CDH4: variants seen among roughly 807,000 people sequenced by gnomAD.
The protein encoded by CDH4 is cadherin-4.
A neutral mutation model predicts 86.0 loss-of-function variants in CDH4; 33 were observed. The ratio of observed to expected loss-of-function variants is 0.38; its 90% CI spans 0.29 to 0.51. The LOEUF is 0.51. CDH4 is among the 20% of genes least tolerant of loss of function. CDH4 has a pLI of 0.86. For synonymous variants in CDH4, 555 were observed against 549.4 expected (o/e 1.01, Z -0.14); for missense variants, 1,114 against 1,307.4 (o/e 0.85, Z 2.28).
intron 2 of CDH4, among the ~76,000 whole-genome samples, chr20:61,656,246 CGCGTGCTGGGGTGGGCAGG>C (rs2087186467): frequency 1.6e-5 from 2 of 127,272 alleles, no homozygotes; most frequent in Admixed American, 1.6e-4. Flanking sequence ...GGTGGGCAGG[CGCGTGCTGGGGTGGGCAGG>C]CGCGTGCTGG....
chr20:61,427,496 G>A (rs950794278), intron 2 of CDH4, among the ~76,000 whole-genome samples: 1 of 87,520 alleles, frequency 1.1e-5, no homozygotes, highest in East Asian at 2.7e-4. Context: ...CCAACTGAGA[G>A]GCTTTTTTTT....
At chr20:61,409,513 A>C (rs902420510) in intron 2 of CDH4, among the ~76,000 whole-genome samples, 1 of 152,098 alleles carries the variant, frequency 6.6e-6, no homozygotes, top group Non-Finnish European at 1.5e-5. Context: ...TGCTCATCAC[A>C]CCCGGGGCCG....
At chr20:61,777,994 G>A (rs372155162) in intron 4 of CDH4, among the ~76,000 whole-genome samples, 3 of 151,950 alleles carry the variant, frequency 2.0e-5, no homozygotes, top group Admixed American at 1.3e-4. Context: ...GCACACACAC[G>A]TGCACACTAT....
chr20:61,695,279 C>T (rs1429167904), intron 2 of CDH4, among the ~76,000 whole-genome samples: 1 of 152,266 alleles, frequency 6.6e-6, no homozygotes, highest in African/African-American at 2.4e-5. Flanking sequence ...CAGTTGCCCG[C>T]AGAGGCGTCC....
chr20:61,463,742 C>G (rs754122234), intron 2 of CDH4, among the ~76,000 whole-genome samples: 5 of 152,184 alleles, frequency 3.3e-5, no homozygotes, highest in Non-Finnish European at 5.9e-5. Context: ...AAGACTCTTG[C>G]AACAGGGGAG....
intron 12 of CDH4, 36 bp from the exon 13 acceptor site, chr20:61,929,573 G>A (rs1276759646): frequency 6.6e-7 from 1 of 1,526,240 alleles, no homozygotes; most frequent in Admixed American, 1.7e-5. Flanking sequence ...GCGAGGGCCG[G>A]GCTCTGGTTG....
rs145733905 is a variant in CDH4, at chr20:61,588,629, C to T, written c.170-154934C>T. On this transcript the variant is annotated intron_variant, in intron 2 of 15. Coordinates refer to ENST00000614565, the MANE Select transcript of CDH4 (RefSeq NM_001794.5). Reference sequence around the variant, plus strand: ...GCTTTCTCACCCCAGGGCCCTCCCCCTCCCGAGACCACACTAGCCCGCTGC... The same window carrying T: ...GCTTTCTCACCCCAGGGCCCTCCCCTTCCCGAGACCACACTAGCCCGCTGC... 3.1e-4 allele frequency among the ~76,000 whole-genome samples: 47 copies of T among 152,234 alleles called. No individual in the cohort carries two copies. The South Asian group carries it at 4.8e-3, about 15-fold the overall frequency.
At chr20:61,604,753 G>T (rs1600800202) in intron 2 of CDH4, among the ~76,000 whole-genome samples, 1 of 152,276 alleles carries the variant, frequency 6.6e-6, no homozygotes, top group East Asian at 1.9e-4. Context: ...CAAGTCATTT[G>T]ATAAATGGGC....
intron 6 of CDH4, among the ~76,000 whole-genome samples, chr20:61,854,206 C>T (rs1421235294): frequency 3.3e-5 from 5 of 152,170 alleles, no homozygotes; most frequent in Non-Finnish European, 7.4e-5. Context: ...AGAGCCAGGG[C>T]CAGCTCCCAG....
At chr20:61,259,212 T>C (rs1232987896) in intron 2 of CDH4, among the ~76,000 whole-genome samples, 2 of 152,234 alleles carry the variant, frequency 1.3e-5, no homozygotes, top group Non-Finnish European at 2.9e-5. Flanking sequence ...GAGGCATGGT[T>C]GAAGAGAGAT....
At chr20:61,490,797 T>A (rs535674710) in intron 2 of CDH4, among the ~76,000 whole-genome samples, 3 of 152,238 alleles carry the variant, frequency 2.0e-5, no homozygotes, top group Admixed American at 2.0e-4. Flanking sequence ...AGCACACGGC[T>A]GTCTAATTGT....
chr20:61,595,194 C>A (rs1486904897), intron 2 of CDH4, among the ~76,000 whole-genome samples: 1 of 152,252 alleles, frequency 6.6e-6, no homozygotes, highest in Non-Finnish European at 1.5e-5. Flanking sequence ...CTGAGTGAAC[C>A]TCCCTCTGCT....
chr20:61,591,526 C>T (rs2086519267), intron 2 of CDH4, among the ~76,000 whole-genome samples: 2 of 152,114 alleles, frequency 1.3e-5, no homozygotes, highest in African/African-American at 2.4e-5. Context: ...CAGCCTCACT[C>T]AGGTGTGTAG....
intron 2 of CDH4, among the ~76,000 whole-genome samples, chr20:61,655,051 A>C (rs2087172709): frequency 1.3e-5 from 2 of 152,258 alleles, no homozygotes; most frequent in Non-Finnish European, 2.9e-5. Context: ...CAGTGTCTTC[A>C]TCTGAGTCAA....
At chr20:61,587,457 T>C (rs2086486919) in intron 2 of CDH4, among the ~76,000 whole-genome samples, 1 of 152,120 alleles carries the variant, frequency 6.6e-6, no homozygotes, top group African/African-American at 2.4e-5. Context: ...AAGATAACAT[T>C]GAATCTGAGG....
At chr20:61,493,726 A>G (rs1174995457) in intron 2 of CDH4, among the ~76,000 whole-genome samples, 1 of 152,100 alleles carries the variant, frequency 6.6e-6, no homozygotes, top group Non-Finnish European at 1.5e-5. Context: ...ATGCCTCCCT[A>G]GCCAGTCTTC....
Position 61,459,951 on chromosome 20 carries a change from C to T in CDH4, c.169+205014C>T, listed in dbSNP as rs145293284. Among the ~76,000 whole-genome samples, 22 of 152,052 alleles carry T rather than the reference C, an allele frequency of 1.4e-4. No individual in the cohort carries two copies. In the East Asian group the frequency reaches 3.5e-3, roughly 24 times the overall value. ...AAGCTCCGCAAGCTGACCCCAGGGC[C>T]GCAGGTACCCCCACACCTGGGACCT... On this transcript the variant is annotated intron_variant, in intron 2 of 15. Transcript: ENST00000614565.
chr20:61,408,589 G>A (rs1251938388), intron 2 of CDH4, among the ~76,000 whole-genome samples: 1 of 152,162 alleles, frequency 6.6e-6, no homozygotes, highest in Non-Finnish European at 1.5e-5. Flanking sequence ...CTCAGAGGGT[G>A]AACAAAGCAA....
rs183843554 is a variant in CDH4 at position 61,794,004 on chromosome 20, G to A, written c.576+20822G>A. On this transcript the variant is annotated intron_variant, in intron 4 of 15. Coordinates refer to ENST00000614565, the MANE Select transcript of CDH4 (RefSeq NM_001794.5). ...ATACAAAAAAAAAAATTAGCTGGGC[G>A]TGGTGGCGGGCACCTGTAGTCCCAG... Among the ~76,000 whole-genome samples the A allele has an allele frequency of 4.9e-3, 727 of 147,806 alleles. 10 individuals are homozygous for A. The highest frequency in any genetic ancestry group is 0.018 in the East Asian group (89 of 4,926).
Sources: allele counts gnomAD v4.1 joint callset (sites outside exome capture counted in the v4.1 genomes callset), GRCh38; gene constraint gnomAD v4.1.1; transcripts MANE v1.5; gene names NCBI Gene and HGNC (gene_info 2026-07-23, HGNC 2026-07-21).